Variants in CSMD1 observed in about 807,000 individuals in gnomAD.
The protein encoded by CSMD1 is CUB and sushi domain-containing protein 1.
A neutral mutation model predicts 417.5 loss-of-function variants in CSMD1; 213 were observed. That is an observed-to-expected ratio of 0.51 (90% CI 0.46 to 0.57). The LOEUF (loss-of-function observed/expected upper bound fraction) is 0.57, where lower values mean the gene tolerates loss of function less well. Ranked by LOEUF, CSMD1 falls within the 20% of genes least tolerant of loss-of-function variation. CSMD1 has a pLI of 0.00. For synonymous variants in CSMD1, 2,862 were observed against 1,736.8 expected, an observed-to-expected ratio of 1.65 and a Z score of -16.11; for missense variants, 6,923 against 4,529.7, an observed-to-expected ratio of 1.53 and a Z score of -15.17.
At chr8:3,461,651 C>T (rs535385349) in intron 12 of CSMD1, among the ~76,000 whole-genome samples, 9 of 152,308 alleles carry the variant, frequency 5.9e-5, no homozygotes, top group African/African-American at 2.2e-4. Context: ...CTTCCAGATC[C>T]TCATGCCCAA....
chr8:3,614,265 C>T (rs1341404303), intron 8 of CSMD1, among the ~76,000 whole-genome samples: 1 of 152,080 alleles, frequency 6.6e-6, no homozygotes, highest in East Asian at 1.9e-4. Flanking sequence ...AAATTCTCTT[C>T]TGAGATAAGA....
chr8:3,349,711 C>T (rs139342055), intron 21 of CSMD1, among the ~76,000 whole-genome samples: 43 of 145,804 alleles, frequency 2.9e-4, no homozygotes, highest in Middle Eastern at 8.5e-3. Flanking sequence ...TATATACTCA[C>T]GAGTAGGTGT....
chr8:4,952,685 A>C (rs7836834), intron 1 of CSMD1, among the ~76,000 whole-genome samples: 2 of 151,756 alleles, frequency 1.3e-5, no homozygotes, highest in Admixed American at 6.6e-5. Context: ...GAAGCAAAAC[A>C]TGGAATACAT....
intron 1 of CSMD1, among the ~76,000 whole-genome samples, chr8:4,914,885 G>C (rs1451556615): frequency 6.6e-6 from 1 of 152,132 alleles, no homozygotes; most frequent in Non-Finnish European, 1.5e-5. Context: ...TCACAAGAAA[G>C]ACATGGGGTA....
intron 2 of CSMD1, among the ~76,000 whole-genome samples, chr8:4,505,771 C>T (rs1262904734): frequency 1.3e-5 from 2 of 151,916 alleles, no homozygotes; most frequent in Non-Finnish European, 2.9e-5. Context: ...AAGTTTTGTT[C>T]TTACCAACAT....
At chr8:3,764,118 C>G (rs1373286934) in intron 5 of CSMD1, among the ~76,000 whole-genome samples, 1 of 152,112 alleles carries the variant, frequency 6.6e-6, no homozygotes, top group Non-Finnish European at 1.5e-5. Flanking sequence ...CTAGAGGCGA[C>G]CAAAGCAGGG....
At chr8:3,637,262 G>C (rs1797097152) in intron 7 of CSMD1, among the ~76,000 whole-genome samples, 1 of 152,122 alleles carries the variant, frequency 6.6e-6, no homozygotes, top group Non-Finnish European at 1.5e-5. Context: ...CCTAAAAACA[G>C]GTTGTCTCAC....
chr8:4,536,350 A>G (rs1346201191), intron 2 of CSMD1, among the ~76,000 whole-genome samples: 1 of 152,096 alleles, frequency 6.6e-6, no homozygotes, highest in Admixed American at 6.6e-5. Flanking sequence ...TGTGTGTAAT[A>G]TTTATTTGCT....
In CSMD1 at chr8:3,796,489, A is replaced by G. The variant is rs1800154605; in HGVS notation, c.819-42447T>C. Among the ~76,000 whole-genome samples the G allele has an allele frequency of 2.8e-5, 4 of 142,808 alleles. No homozygotes were observed. In the South Asian group the frequency reaches 8.7e-4, roughly 31 times the overall value. 93.7% of individuals were successfully genotyped at this position (142,808 alleles called of 152,430 possible). On this transcript the variant is annotated intron_variant, in intron 5 of 69. Transcript: ENST00000635120. ...TCATGTATATAGATATCTATCTATCATGTATAGATATAGATATATATATCT... is the reference window on the plus strand; with the variant it reads ...TCATGTATATAGATATCTATCTATCGTGTATAGATATAGATATATATATCT...
chr8:3,101,461 C>T (rs569852091), intron 46 of CSMD1, among the ~76,000 whole-genome samples: 69 of 152,254 alleles, frequency 4.5e-4, no homozygotes, highest in Middle Eastern at 6.8e-3. Context: ...CTCGCTCTGA[C>T]GCCCAGGCTG....
At chr8:4,349,051 G>C (rs186379696) in intron 3 of CSMD1, among the ~76,000 whole-genome samples, 1 of 152,154 alleles carries the variant, frequency 6.6e-6, no homozygotes, top group East Asian at 1.9e-4. Context: ...TGCTAATTTA[G>C]TTAGAAATTA....
chr8:3,723,539 G>C (rs1022214286), intron 6 of CSMD1, among the ~76,000 whole-genome samples: 1 of 152,268 alleles, frequency 6.6e-6, no homozygotes, highest in East Asian at 1.9e-4. Context: ...ACTTAAAAAT[G>C]AACAGTCAGC....
intron 5 of CSMD1, among the ~76,000 whole-genome samples, chr8:3,763,901 C>T (rs1798135821): frequency 1.3e-5 from 2 of 152,244 alleles, no homozygotes; most frequent in Non-Finnish European, 2.9e-5. Context: ...GATGCCTTAT[C>T]TCCTTATCTT....
intron 3 of CSMD1, among the ~76,000 whole-genome samples, chr8:4,037,615 G>T (rs374767270): frequency 1.3e-5 from 2 of 151,612 alleles, no homozygotes; most frequent in African/African-American, 4.8e-5. Flanking sequence ...TGGACTTTAG[G>T]TCTCTTATAT....
Position 4,043,782 on chromosome 8 carries a change from T to A in CSMD1, c.416-11683A>T, listed in dbSNP as rs528935927. 6.7e-4 allele frequency among the ~76,000 whole-genome samples: 102 copies of A among 152,300 alleles called. 1 individual carries two copies. The South Asian group carries it at 0.014, about 21-fold the overall frequency. ...GAGCTCTTTCAAATGCTGGAACGCTTTATATATGGTATTTCAAACCTTACA... is the reference window on the plus strand; with the variant it reads ...GAGCTCTTTCAAATGCTGGAACGCTATATATATGGTATTTCAAACCTTACA... On this transcript the variant is annotated intron_variant, in intron 3 of 69. Coordinates refer to ENST00000635120, the MANE Select transcript of CSMD1 (RefSeq NM_033225.6).
chr8:3,994,934 C>A lies in CSMD1; in HGVS notation c.818+2969G>T, dbSNP rs191808931. On this transcript the variant is annotated intron_variant, in intron 5 of 69. Transcript: ENST00000635120. ...TATTGGAAGATCATATGTGTATCTG[C>A]CCTCACTCCACTCACAGTCACTCGC... Among the ~76,000 whole-genome samples, 147 of 152,216 alleles carry A rather than the reference C, an allele frequency of 9.7e-4. 1 individual carries two copies. Among genetic ancestry groups the A allele is most frequent in the African/African-American group, 3.4e-3 (141 of 41,534 alleles).
intron 3 of CSMD1, among the ~76,000 whole-genome samples, chr8:4,098,671 T>C (rs1365449253): frequency 6.6e-6 from 1 of 152,214 alleles, no homozygotes; most frequent in Non-Finnish European, 1.5e-5. Context: ...TTCACTGTCT[T>C]ACGGCAAATA....
intron 2 of CSMD1, among the ~76,000 whole-genome samples, chr8:4,610,510 A>G (rs1249958712): frequency 6.6e-6 from 1 of 152,140 alleles, no homozygotes; most frequent in Non-Finnish European, 1.5e-5. Context: ...CACTCTTTCT[A>G]TGATGCCACC....
At chr8:3,590,692 C>A (rs1584930995) in intron 8 of CSMD1, among the ~76,000 whole-genome samples, 2 of 152,144 alleles carry the variant, frequency 1.3e-5, no homozygotes, top group Admixed American at 6.5e-5. Flanking sequence ...ACAGGAGCAA[C>A]CTCTTCATTT....
Sources: allele counts gnomAD v4.1 joint callset (sites outside exome capture counted in the v4.1 genomes callset), GRCh38; gene constraint gnomAD v4.1.1; transcripts MANE v1.5; gene names NCBI Gene and HGNC (gene_info 2026-07-23, HGNC 2026-07-21).